Variants in RBFOX1 observed in about 807,000 individuals in gnomAD.
The protein encoded by RBFOX1 is RNA binding fox-1 homolog 1.
Under a neutral mutation model 57.7 loss-of-function variants are expected in RBFOX1, and 8 were observed. That is an observed-to-expected ratio of 0.14 (90% CI 0.08 to 0.25). The LOEUF is 0.25. RBFOX1 is among the 10% of genes least tolerant of loss of function. The pLI is 1.00. For synonymous variants in RBFOX1, 326 were observed against 222.4 expected, an observed-to-expected ratio of 1.47 and a Z score of -4.15; for missense variants, 611 against 548.5, an observed-to-expected ratio of 1.11 and a Z score of -1.14.
chr16:6,896,457 T>C (rs72770638), intron 3 of RBFOX1, among the ~76,000 whole-genome samples: 133 of 152,312 alleles, frequency 8.7e-4, no homozygotes, highest in Non-Finnish European at 1.5e-3. Flanking sequence ...CCTTCTACTG[T>C]CTATGTACAT....
At chr16:6,914,090 C>G (rs1000292669) in intron 3 of RBFOX1, among the ~76,000 whole-genome samples, 3 of 152,142 alleles carry the variant, frequency 2.0e-5, no homozygotes, top group African/African-American at 7.2e-5. Flanking sequence ...TCTAATCTAT[C>G]CAGTGCTAAA....
rs562431925 is a variant in RBFOX1, at chr16:5,406,344, G to T, written c.220-60872G>T. Reference sequence around the variant, plus strand: ...CGTCAAAGGTCTGAATAGAACAAAAGGTGGAGGAGGGGAGAGTTAGCTCTG... The same window carrying T: ...CGTCAAAGGTCTGAATAGAACAAAATGTGGAGGAGGGGAGAGTTAGCTCTG... On this transcript the variant is annotated intron_variant, in intron 1 of 2. Transcript: ENST00000585867. 3.4e-5 allele frequency among the ~76,000 whole-genome samples: 5 copies of T among 147,240 alleles called. No individual in the cohort carries two copies. In the East Asian group the frequency reaches 9.8e-4, roughly 29 times the overall value.
At chr16:7,106,111 A>T (rs1455350274) in intron 4 of RBFOX1, among the ~76,000 whole-genome samples, 2 of 152,178 alleles carry the variant, frequency 1.3e-5, no homozygotes, top group Non-Finnish European at 2.9e-5. Context: ...TTGTCCTTTG[A>T]AACTCCTTTA....
chr16:5,482,152 C>A (rs955387672), intron 2 of RBFOX1, among the ~76,000 whole-genome samples: 1 of 152,106 alleles, frequency 6.6e-6, no homozygotes, highest in African/African-American at 2.4e-5. Context: ...TGTGAGAATG[C>A]TTTTTTCACT....
At chr16:7,318,377 G>A (rs1043023154) in intron 4 of RBFOX1, among the ~76,000 whole-genome samples, 2 of 152,116 alleles carry the variant, frequency 1.3e-5, no homozygotes, top group Admixed American at 6.6e-5. Flanking sequence ...TGGTGGTGAT[G>A]ATGTTTGGTG....
chr16:5,681,359 C>G (rs1257697796), intron 3 of RBFOX1, among the ~76,000 whole-genome samples: 1 of 150,268 alleles, frequency 6.7e-6, no homozygotes, highest in Non-Finnish European at 1.5e-5. Context: ...GTTGGGATTA[C>G]AGGCATGAGC....
intron 1 of RBFOX1, among the ~76,000 whole-genome samples, chr16:6,066,369 T>TA (rs145269511): frequency 0.021 from 2,899 of 137,568 alleles, 80 homozygotes; most frequent in South Asian, 0.13. Flanking sequence ...AAGCACTAAT[T>TA]AAAAAAAAAT....
chr16:6,273,092 T>C (rs554864579), intron 1 of RBFOX1, among the ~76,000 whole-genome samples: 3 of 151,928 alleles, frequency 2.0e-5, no homozygotes, highest in African/African-American at 7.2e-5. Context: ...AAACCCCTTC[T>C]CTACTAAAAA....
chr16:7,709,459 TTTTTTTTTCCC>T, intron 15 of RBFOX1: 1 of 1,395,144 alleles, frequency 7.2e-7, no homozygotes, highest in Non-Finnish European at 9.4e-7. Flanking sequence ...TTTTTTTTTC[TTTTTTTTTCCC>T]TCCCTTGCTG....
chr16:6,932,142 C>G (rs1472451028), intron 3 of RBFOX1, among the ~76,000 whole-genome samples: 1 of 152,178 alleles, frequency 6.6e-6, no homozygotes, highest in Non-Finnish European at 1.5e-5. Context: ...TCCCATCTGT[C>G]ACCCAGCCTG....
At chr16:7,570,844 C>G (rs756586001) in intron 5 of RBFOX1, among the ~76,000 whole-genome samples, 1 of 152,150 alleles carries the variant, frequency 6.6e-6, no homozygotes, top group African/African-American at 2.4e-5. Context: ...CTCAAATGCC[C>G]ATCAATGATA....
chr16:6,726,660 C>T (rs1206265586), intron 3 of RBFOX1, among the ~76,000 whole-genome samples: 1 of 152,160 alleles, frequency 6.6e-6, no homozygotes, highest in Non-Finnish European at 1.5e-5. Context: ...GCCCAGAGAA[C>T]TAGCTTGCTG....
At chr16:5,563,663 A>G (rs1044572325) in intron 2 of RBFOX1, among the ~76,000 whole-genome samples, 4 of 152,220 alleles carry the variant, frequency 2.6e-5, no homozygotes, top group African/African-American at 9.6e-5. Context: ...GTAGTTTTTT[A>G]AAATTACAGC....
rs138259688 is a variant in RBFOX1, at chr16:7,210,187, A to G, written c.27+158089A>G. On this transcript the variant is annotated intron_variant, in intron 4 of 15. Transcript: ENST00000550418. ...ATGATTTTATCAGTCAAGATCCCAC[A>G]CAAGAAACACAACCAATAGGATACT... 1.9e-3 allele frequency among the ~76,000 whole-genome samples: 282 copies of G among 152,332 alleles called. 1 individual carries two copies. Among genetic ancestry groups the G allele is most frequent in the African/African-American group, 6.4e-3 (264 of 41,566 alleles).
At chr16:5,651,460 C>G (rs1357818071) in intron 3 of RBFOX1, among the ~76,000 whole-genome samples, 1 of 152,146 alleles carries the variant, frequency 6.6e-6, no homozygotes. Context: ...CACACAGAAT[C>G]CTGCCCCAGG....
intron 1 of RBFOX1, among the ~76,000 whole-genome samples, chr16:6,134,604 A>T (rs1426038790): frequency 6.6e-6 from 1 of 152,032 alleles, no homozygotes; most frequent in East Asian, 1.9e-4. Context: ...TGGGACAGGC[A>T]GTGAGGGGGT....
intron 3 of RBFOX1, among the ~76,000 whole-genome samples, chr16:6,943,518 C>T (rs567814615): frequency 1.3e-5 from 2 of 152,180 alleles, no homozygotes; most frequent in East Asian, 3.9e-4. Flanking sequence ...ACCATCCTGA[C>T]TAACATGGTG....
intron 3 of RBFOX1, among the ~76,000 whole-genome samples, chr16:6,797,113 G>T (rs1445031526): frequency 6.6e-6 from 1 of 152,140 alleles, no homozygotes; most frequent in Non-Finnish European, 1.5e-5. Flanking sequence ...CAGGTAGAAG[G>T]CTCTGCTGTT....
chr16:6,175,804 G>A (rs1029142350), intron 1 of RBFOX1, among the ~76,000 whole-genome samples: 15 of 152,244 alleles, frequency 9.9e-5, no homozygotes, highest in African/African-American at 2.9e-4. Flanking sequence ...GTCTCTTGGT[G>A]ATAAGAAGAG....
Sources: gnomAD v4.1 joint callset for allele counts (sites outside exome capture counted in the v4.1 genomes callset) on GRCh38, gnomAD v4.1.1 for gene constraint, MANE v1.5 for transcripts, NCBI Gene and HGNC (gene_info 2026-07-23, HGNC 2026-07-21) for gene names.